Variants in ADGRB3 observed in about 807,000 individuals in gnomAD.
ADGRB3 encodes adhesion G protein-coupled receptor B3, also known as brain-specific angiogenesis inhibitor 3.
ADGRB3 carries 37 observed loss-of-function variants against 193.4 expected under a neutral mutation model. The observed-to-expected ratio is 0.19, with a 90% CI of 0.15 to 0.25. The LOEUF (loss-of-function observed/expected upper bound fraction) is 0.25. Ranked by LOEUF, ADGRB3 falls within the 10% of genes least tolerant of loss-of-function variation. The pLI, the probability that ADGRB3 is intolerant of heterozygous loss-of-function variation, is 1.00. For synonymous variants in ADGRB3, 690 were observed against 644.2 expected, an observed-to-expected ratio of 1.07 and a Z score of -1.08; for missense variants, 1,637 against 1,852.9, an observed-to-expected ratio of 0.88 and a Z score of 2.14.
chr6:69,318,497 A>G (rs1273921131), intron 20 of ADGRB3, among the ~76,000 whole-genome samples: 1 of 151,170 alleles, frequency 6.6e-6, no homozygotes, highest in Non-Finnish European at 1.5e-5. Flanking sequence ...GTAATTTCAC[A>G]TTTATGTTTG....
In ADGRB3 at chr6:69,339,038, T is replaced by A. The variant is rs1049642142; in HGVS notation, c.3287+24T>A. ...ATGTTAGTCCCAATCATTTACATCT[T>A]CTTGTTACAAATCTTTTACAGTGCA... On this transcript the variant is annotated intron_variant, in intron 25 of 31. Transcript: ENST00000370598. 4 of 1,610,138 alleles carry A rather than the reference T, an allele frequency of 2.5e-6. No homozygotes were observed. In the African/African-American group the frequency reaches 4.0e-5, roughly 16 times the overall value.
chr6:68,858,609 A>AT (rs1268116412), intron 3 of ADGRB3, among the ~76,000 whole-genome samples: 1 of 151,676 alleles, frequency 6.6e-6, no homozygotes, highest in Non-Finnish European at 1.5e-5. Context: ...AAAAAAAAAA[A>AT]AACACAGCAT....
At chr6:69,382,149 ATC>A (rs1769962942) in intron 30 of ADGRB3, among the ~76,000 whole-genome samples, 1 of 151,886 alleles carries the variant, frequency 6.6e-6, no homozygotes, top group Non-Finnish European at 1.5e-5. Flanking sequence ...ATATATTTGT[ATC>A]TGTGATTTTA....
intron 17 of ADGRB3, among the ~76,000 whole-genome samples, chr6:69,124,379 A>G (rs1381840194): frequency 6.6e-6 from 1 of 151,956 alleles, no homozygotes; most frequent in Non-Finnish European, 1.5e-5. Flanking sequence ...TAATTTCTAC[A>G]TATTTATCTT....
At chr6:68,789,440 C>G (rs1409151380) in intron 3 of ADGRB3, among the ~76,000 whole-genome samples, 1 of 152,226 alleles carries the variant, frequency 6.6e-6, no homozygotes, top group East Asian at 1.9e-4. Flanking sequence ...ATATGAAATT[C>G]TGGGTTGAAA....
At chr6:69,350,608 T>C (rs1190135566) in intron 26 of ADGRB3, among the ~76,000 whole-genome samples, 1 of 152,150 alleles carries the variant, frequency 6.6e-6, no homozygotes, top group Non-Finnish European at 1.5e-5. Context: ...ATGATTTTAA[T>C]ATCTAATAAA....
At chr6:69,287,834 T>C (rs904579757) in intron 20 of ADGRB3, among the ~76,000 whole-genome samples, 1 of 152,222 alleles carries the variant, frequency 6.6e-6, no homozygotes, top group Non-Finnish European at 1.5e-5. Context: ...ATCTTTTCCA[T>C]AACTGAGAAA....
At chr6:68,743,505 G>T (rs1013305942) in intron 3 of ADGRB3, among the ~76,000 whole-genome samples, 6 of 151,706 alleles carry the variant, frequency 4.0e-5, no homozygotes, top group African/African-American at 1.5e-4. Context: ...TTTTGAGGCT[G>T]AACTTTCCTT....
intron 3 of ADGRB3, among the ~76,000 whole-genome samples, chr6:68,749,959 T>C (rs1472637205): frequency 1.3e-5 from 2 of 152,196 alleles, no homozygotes; most frequent in African/African-American, 4.8e-5. Context: ...TCATGGATAA[T>C]AGGTAACCCA....
intron 20 of ADGRB3, among the ~76,000 whole-genome samples, chr6:69,289,554 A>G (rs1467556341): frequency 6.6e-6 from 1 of 152,202 alleles, no homozygotes; most frequent in South Asian, 2.1e-4. Flanking sequence ...CCAGCCCACT[A>G]GTTACATGGC....
At position 69,179,915 on chromosome 6, in the gene ADGRB3, G is replaced by A. The variant is rs200717888; in HGVS notation, c.2481-53375G>A. Among the ~76,000 whole-genome samples the A allele has an allele frequency of 1.9e-4, 29 of 152,266 alleles. No homozygotes were observed. The East Asian group carries it at 4.1e-3, about 21-fold the overall frequency. On this transcript the variant is annotated intron_variant, in intron 17 of 31. Coordinates refer to ENST00000370598, the MANE Select transcript of ADGRB3 (RefSeq NM_001704.3). ...AACCTCTCTGTTGCCTAGGGCAATG[G>A]GCTGATTCATGAAGTGCACTGTGGT...
At chr6:69,050,018 G>T (rs1452680971) in intron 15 of ADGRB3, among the ~76,000 whole-genome samples, 1 of 152,130 alleles carries the variant, frequency 6.6e-6, no homozygotes, top group Admixed American at 6.5e-5. Context: ...ATCACTCATA[G>T]TGACCTGTTT....
chr6:68,996,649 A>C (rs867119750), intron 11 of ADGRB3, among the ~76,000 whole-genome samples: 1 of 152,238 alleles, frequency 6.6e-6, no homozygotes, highest in South Asian at 2.1e-4. Context: ...GTGTTTTCAG[A>C]CCGGCTTCGT....
intron 3 of ADGRB3, among the ~76,000 whole-genome samples, chr6:68,742,780 T>C (rs1003883310): frequency 1.3e-5 from 2 of 152,120 alleles, no homozygotes; most frequent in Non-Finnish European, 2.9e-5. Context: ...CTTCTAGATA[T>C]TGTTTTTCCT....
At chr6:69,343,649 T>C (rs1375834410) in intron 26 of ADGRB3, among the ~76,000 whole-genome samples, 1 of 152,032 alleles carries the variant, frequency 6.6e-6, no homozygotes, top group Non-Finnish European at 1.5e-5. Context: ...TTCTTGAAAA[T>C]ACAGTTTCTT....
chr6:69,232,190 G>A (rs1417027330), intron 17 of ADGRB3, among the ~76,000 whole-genome samples: 1 of 152,172 alleles, frequency 6.6e-6, no homozygotes, highest in Non-Finnish European at 1.5e-5. Flanking sequence ...CCATGCCTGG[G>A]GGAGGGGAGG....
intron 3 of ADGRB3, among the ~76,000 whole-genome samples, chr6:68,774,639 T>C (rs1180217795): frequency 6.6e-6 from 1 of 152,072 alleles, no homozygotes; most frequent in African/African-American, 2.4e-5. Flanking sequence ...TTTTTCTTTA[T>C]TTAGTGATCT....
At chr6:69,388,617 AC>A (rs2127245438) in intron 31 of ADGRB3, 85 bp from the exon 32 acceptor site, 1 of 1,284,210 alleles carries the variant, frequency 7.8e-7, no homozygotes, top group South Asian at 1.5e-5. Flanking sequence ...GATTAAGATT[AC>A]AAACACGCTC....
intron 11 of ADGRB3, among the ~76,000 whole-genome samples, chr6:69,010,607 A>G (rs1046259746): frequency 6.6e-6 from 1 of 151,970 alleles, no homozygotes; most frequent in Non-Finnish European, 1.5e-5. Context: ...TTACAGATTC[A>G]AGATATAAAG....
Sources: gnomAD v4.1 joint callset for allele counts (sites outside exome capture counted in the v4.1 genomes callset) on GRCh38, gnomAD v4.1.1 for gene constraint, MANE v1.5 for transcripts, NCBI Gene and HGNC (gene_info 2026-07-23, HGNC 2026-07-21) for gene names.